Variants in ZNF407 observed in about 807,000 individuals in gnomAD.
ZNF407 encodes the protein zinc finger protein 407.
In ZNF407, 17 loss-of-function variants were observed where a neutral mutation model predicts 131.2. The observed-to-expected ratio is 0.13, with a 90% CI of 0.09 to 0.19. The LOEUF (loss-of-function observed/expected upper bound fraction) is 0.19, where lower values mean the gene tolerates loss of function less well. Ranked by LOEUF, ZNF407 falls within the 10% of genes least tolerant of loss-of-function variation. The pLI, the probability that ZNF407 is intolerant of heterozygous loss-of-function variation, is 1.00. For synonymous variants in ZNF407, 1,156 were observed against 1,062.0 expected, an observed-to-expected ratio of 1.09 and a Z score of -1.72; for missense variants, 2,681 against 2,830.6, an observed-to-expected ratio of 0.95 and a Z score of 1.20.
At chr18:74,803,895 C>G in intron 4 of ZNF407, 1 of 1,508,774 alleles carries the variant, frequency 6.6e-7, no homozygotes, top group Non-Finnish European at 9.0e-7. Context: ...AAAATGTTCA[C>G]GAGAATGCTT....
At chr18:74,611,371 T>A (rs189913136) in intron 1 of ZNF407, among the ~76,000 whole-genome samples, 1 of 152,312 alleles carries the variant, frequency 6.6e-6, no homozygotes, top group East Asian at 1.9e-4. Flanking sequence ...AATAGACATA[T>A]TCAGCACATA....
chr18:74,801,163 GATC>G (rs1970012945), intron 4 of ZNF407, among the ~76,000 whole-genome samples: 1 of 152,134 alleles, frequency 6.6e-6, no homozygotes, highest in African/African-American at 2.4e-5. Context: ...TTTTTGTCTT[GATC>G]ATCAATTATC....
rs796756532 is a variant in ZNF407 at position 74,863,478 on chromosome 18, CTT to C, written c.4878-13716_4878-13715del. Among the ~76,000 whole-genome samples the C allele has an allele frequency of 9.2e-5, 14 of 151,926 alleles. 1 individual carries two copies. Among genetic ancestry groups the C allele is most frequent in the African/African-American group, 2.9e-4 (12 of 41,444 alleles). ...CTTTTACCACCTCCAGTTCTTAGCT[CTT>C]TTGTTTTTGTGAATAGCATCATGTG... is the stretch of plus-strand genomic sequence containing the variant. On this transcript the variant is annotated intron_variant, in intron 4 of 8. Coordinates refer to ENST00000299687, the MANE Select transcript of ZNF407 (RefSeq NM_017757.3).
chr18:75,029,994 G>A (rs554634574), intron 8 of ZNF407, among the ~76,000 whole-genome samples: 22 of 152,294 alleles, frequency 1.4e-4, no homozygotes, highest in African/African-American at 5.3e-4. Flanking sequence ...CTGTAAATGT[G>A]TGCAAATGGC....
intron 4 of ZNF407, among the ~76,000 whole-genome samples, chr18:74,794,794 T>G (rs940807292): frequency 5.3e-5 from 8 of 152,190 alleles, no homozygotes; most frequent in African/African-American, 7.2e-5. Context: ...TCATGAGAGA[T>G]CTTTTGGTAG....
intron 1 of ZNF407, among the ~76,000 whole-genome samples, chr18:74,600,803 A>G (rs767311283): frequency 2.6e-5 from 4 of 152,222 alleles, no homozygotes; most frequent in Non-Finnish European, 4.4e-5. Context: ...ATCACGGAGT[A>G]TAAGAGGAGG....
At chr18:74,692,027 G>A (rs770321643) in intron 3 of ZNF407, among the ~76,000 whole-genome samples, 32 of 152,090 alleles carry the variant, frequency 2.1e-4, no homozygotes, top group East Asian at 5.8e-4. Flanking sequence ...CTGTGAAGTC[G>A]AGGCTGCAAT....
chr18:74,841,422 C>T (rs865875240), intron 4 of ZNF407, among the ~76,000 whole-genome samples: 2 of 152,096 alleles, frequency 1.3e-5, no homozygotes, highest in Admixed American at 6.5e-5. Flanking sequence ...CAGTGAGGCC[C>T]GTCCTTACTG....
chr18:75,063,778 G>A lies in ZNF407; in HGVS notation c.6057G>A (p.Val2019=), dbSNP rs1024346499. 2 of 1,610,188 alleles carry A rather than the reference G, an allele frequency of 1.2e-6. No individual in the cohort carries two copies. The highest frequency in any genetic ancestry group is 1.7e-6 in the Non-Finnish European group (2 of 1,179,784). ...AAGGCAGGCCCGGCGCCAAAGACGT[G>A]CTGATCCAGCTGCCCGGGCAGGAGG... ...EEQGRPGAKD[V]LIQLPGQEVS... is the part of the protein sequence containing the mutation. The change falls in exon 9 of 9, where the codon GTG becomes GTA. Residue 2019 remains valine, a synonymous_variant. Transcript: ENST00000299687. This position sits in a 1 kb window ranked among gnomAD's most constrained non-coding sequence, Gnocchi z 6.6.
At chr18:74,918,934 G>T (rs1971809829) in intron 7 of ZNF407, among the ~76,000 whole-genome samples, 1 of 152,110 alleles carries the variant, frequency 6.6e-6, no homozygotes, top group African/African-American at 2.4e-5. Context: ...TTGATGACAA[G>T]CCCTGCCTGG....
At chr18:74,842,460 A>C (rs1970646933) in intron 4 of ZNF407, among the ~76,000 whole-genome samples, 1 of 152,176 alleles carries the variant, frequency 6.6e-6, no homozygotes, top group Non-Finnish European at 1.5e-5. Flanking sequence ...GATTTATGAC[A>C]CTTAATGGAG....
intron 1 of ZNF407, among the ~76,000 whole-genome samples, chr18:74,601,430 C>G (rs998584611): frequency 6.6e-6 from 1 of 151,688 alleles, no homozygotes; most frequent in African/African-American, 2.4e-5. Context: ...GGCATGATGT[C>G]TTACTCATAG....
intron 3 of ZNF407, among the ~76,000 whole-genome samples, chr18:74,732,097 C>T (rs561210209): frequency 6.6e-6 from 1 of 152,114 alleles, no homozygotes; most frequent in South Asian, 2.1e-4. Flanking sequence ...TCACTTGGGA[C>T]TTATATTTTT....
chr18:74,852,378 C>G (rs957458043), intron 4 of ZNF407, among the ~76,000 whole-genome samples: 1 of 152,080 alleles, frequency 6.6e-6, no homozygotes, highest in Non-Finnish European at 1.5e-5. Flanking sequence ...AACTGTGACA[C>G]ATGTCAAATT....
intron 5 of ZNF407, among the ~76,000 whole-genome samples, chr18:74,878,888 CAAA>C (rs573213763): frequency 3.2e-5 from 3 of 94,160 alleles, no homozygotes; most frequent in Non-Finnish European, 4.5e-5. Context: ...CAACCCACTC[CAAA>C]AAAAAAAAAA....
rs557348672 is a variant in ZNF407 at position 74,809,915 on chromosome 18, T to TG, written c.4877+28414dup. On this transcript the variant is annotated intron_variant, in intron 4 of 8. Transcript: ENST00000299687. Reference sequence around the variant, plus strand: ...TGTTGAAGGCAGAGCTGATGGCACTTGCTGAAGGATGGATTGTATGTGAGA... The same window carrying TG: ...TGTTGAAGGCAGAGCTGATGGCACTTGGCTGAAGGATGGATTGTATGTGAGA... 1.2e-4 allele frequency among the ~76,000 whole-genome samples: 18 copies of TG among 152,288 alleles called. No individual in the cohort carries two copies. The East Asian group carries it at 2.9e-3, about 24-fold the overall frequency.
intron 3 of ZNF407, among the ~76,000 whole-genome samples, chr18:74,723,844 A>G (rs933887149): frequency 2.8e-5 from 4 of 144,312 alleles, no homozygotes; most frequent in Non-Finnish European, 4.5e-5. Flanking sequence ...GTTTGGTTCT[A>G]CTCCCAACCT....
chr18:74,848,731 G>A (rs1401214424), intron 4 of ZNF407, among the ~76,000 whole-genome samples: 1 of 152,148 alleles, frequency 6.6e-6, no homozygotes, highest in Non-Finnish European at 1.5e-5. Context: ...TTCAGCTCCT[G>A]AGGTTGACAT....
intron 8 of ZNF407, among the ~76,000 whole-genome samples, chr18:74,946,304 A>G (rs1408143777): frequency 6.6e-6 from 1 of 152,192 alleles, no homozygotes; most frequent in Non-Finnish European, 1.5e-5. Context: ...ATTTCCTGTG[A>G]GAATCAGGGA....
Sources: allele counts gnomAD v4.1 joint callset (sites outside exome capture counted in the v4.1 genomes callset), GRCh38; gene constraint gnomAD v4.1.1; non-coding constraint Gnocchi (gnomAD v3.1); transcripts MANE v1.5; gene names NCBI Gene and HGNC (gene_info 2026-07-23, HGNC 2026-07-21).